Variants in ANK2 observed in about 807,000 individuals in gnomAD.
ANK2 encodes the protein ankyrin 2.
ANK2 carries 83 observed loss-of-function variants against 360.5 expected under a neutral mutation model. The ratio of observed to expected loss-of-function variants is 0.23; its 90% CI spans 0.19 to 0.28. ANK2 has a LOEUF of 0.28. ANK2 is among the 10% of genes least tolerant of loss of function. The pLI is 1.00. For missense variants in ANK2, 4,201 were observed against 4,795.7 expected, an observed-to-expected ratio of 0.88 and a Z score of 3.66; for synonymous variants, 1,740 against 1,759.5, an observed-to-expected ratio of 0.99 and a Z score of 0.28.
intron 1 of ANK2, among the ~76,000 whole-genome samples, chr4:113,141,577 T>C (rs143964169): frequency 1.6e-4 from 25 of 152,296 alleles, no homozygotes; most frequent in African/African-American, 4.8e-4. Context: ...GAGAAATTCA[T>C]AGTGGGATCA....
chr4:113,008,298 T>C (rs762207870), intron 2 of ANK2, among the ~76,000 whole-genome samples: 1 of 152,154 alleles, frequency 6.6e-6, no homozygotes, highest in Non-Finnish European at 1.5e-5. Context: ...AGACTTGCAT[T>C]TGTAGTTAGA....
intron 1 of ANK2, among the ~76,000 whole-genome samples, chr4:113,127,432 G>C (rs530457761): frequency 6.6e-6 from 1 of 150,776 alleles, no homozygotes; most frequent in South Asian, 2.1e-4. Context: ...AGCTAGATTA[G>C]GTATCATAAC....
chr4:113,000,144 G>T (rs2050108993), intron 2 of ANK2, among the ~76,000 whole-genome samples: 1 of 152,234 alleles, frequency 6.6e-6, no homozygotes, highest in African/African-American at 2.4e-5. Context: ...GGTTGGCTCT[G>T]AGGGATGATA....
chr4:113,089,952 ATG>A (rs2086959987), intron 1 of ANK2, among the ~76,000 whole-genome samples: 7 of 152,290 alleles, frequency 4.6e-5, no homozygotes. Context: ...ACGTAATAAT[ATG>A]TGGTATTTTT....
chr4:113,031,767 C>T (rs1253329488), intron 2 of ANK2, among the ~76,000 whole-genome samples: 1 of 152,000 alleles, frequency 6.6e-6, no homozygotes, highest in Non-Finnish European at 1.5e-5. Context: ...CTGAACACCT[C>T]TTCTCCTATT....
chr4:113,138,564 G>T (rs1191777246), intron 1 of ANK2, among the ~76,000 whole-genome samples: 1 of 152,138 alleles, frequency 6.6e-6, no homozygotes, highest in Non-Finnish European at 1.5e-5. Context: ...CCTGGCTGCT[G>T]CCTGGAAGTG....
At chr4:113,086,001 G>A (rs1204172641) in intron 1 of ANK2, among the ~76,000 whole-genome samples, 1 of 152,076 alleles carries the variant, frequency 6.6e-6, no homozygotes, top group African/African-American at 2.4e-5. Context: ...GTCCCCATAG[G>A]CTGTAAGTTA....
chr4:113,086,392 A>G (rs191605495), intron 1 of ANK2, among the ~76,000 whole-genome samples: 6 of 152,328 alleles, frequency 3.9e-5, no homozygotes, highest in Non-Finnish European at 1.5e-5. Flanking sequence ...GTCTTTATTT[A>G]TATTCATAGA....
intron 2 of ANK2, among the ~76,000 whole-genome samples, chr4:113,015,186 A>C (rs192860111): frequency 6.6e-6 from 1 of 152,292 alleles, no homozygotes; most frequent in Admixed American, 6.5e-5. Context: ...TTTACAGAGC[A>C]GGTTTAAAGA....
intron 2 of ANK2, among the ~76,000 whole-genome samples, chr4:112,964,791 G>A (rs535965073): frequency 1.1e-3 from 169 of 151,974 alleles, no homozygotes; most frequent in African/African-American, 3.9e-3. Context: ...GGATGGTCTC[G>A]ATCTCATGAC....
chr4:113,296,727 CAT>C (rs1250850018), intron 22 of ANK2, among the ~76,000 whole-genome samples: 2 of 152,124 alleles, frequency 1.3e-5, no homozygotes, highest in African/African-American at 2.4e-5. Context: ...ACAATCACTA[CAT>C]GTTTGCCAGA....
At chr4:112,998,457 A>G (rs1470351709) in intron 2 of ANK2, among the ~76,000 whole-genome samples, 3 of 152,156 alleles carry the variant, frequency 2.0e-5, no homozygotes, top group African/African-American at 7.2e-5. Flanking sequence ...GGTTTCCAGG[A>G]TGACTTTAAG....
chr4:113,232,837 C>A (rs1395568901), intron 5 of ANK2, among the ~76,000 whole-genome samples: 1 of 152,182 alleles, frequency 6.6e-6, no homozygotes, highest in Non-Finnish European at 1.5e-5. Flanking sequence ...TGGGAGTGGG[C>A]AGGGACCCTG....
chr4:113,223,471 G>T (rs1219654702), intron 4 of ANK2, among the ~76,000 whole-genome samples: 3 of 152,050 alleles, frequency 2.0e-5, no homozygotes, highest in Non-Finnish European at 4.4e-5. Context: ...TAAATATAGA[G>T]TATATAATAC....
At chr4:112,883,751 T>A (rs2077455359) in intron 1 of ANK2, among the ~76,000 whole-genome samples, 1 of 151,842 alleles carries the variant, frequency 6.6e-6, no homozygotes, top group Admixed American at 6.6e-5. Flanking sequence ...AGTCATGCAA[T>A]CAGAGAAAGG....
Position 113,346,018 on chromosome 4 carries a change from C to T in ANK2, c.4367C>T (p.Thr1456Ile), listed in dbSNP as rs786205736. Residue 1456 changes from threonine (T) to isoleucine (I), a missense_variant, in exon 35 of 46, where the codon ACA (threonine) becomes ATA (isoleucine). Physicochemically the swap from Thr to Ile is moderately conservative, Grantham distance 89. Coordinates refer to ENST00000357077, the MANE Select transcript of ANK2 (RefSeq NM_001148.6). The part of the protein sequence containing the change: ...CNLNITLPIY[T>I]KESESDQEQE... Reference sequence around the variant, plus strand: ...TTAAACATCACTTTGCCGATTTATACAAAGGTATCGTAAAATCTGCTATAG... The same window carrying T: ...TTAAACATCACTTTGCCGATTTATATAAAGGTATCGTAAAATCTGCTATAG... The T allele has an allele frequency of 6.2e-7, 1 of 1,613,246 alleles. No homozygotes were observed.
Position 113,264,956 on chromosome 4 carries a change from C to A in ANK2, c.1446C>A (p.Cys482Ter). 6.4e-7 allele frequency: 1 copy of A among 1,568,322 alleles called. No individual in the cohort carries two copies. The highest frequency in any genetic ancestry group is 1.9e-5 in the Admixed American group (1 of 53,146). The change falls in exon 14 of 46, where the codon TGC (cysteine) becomes TGA (stop). Residue 482 changes from cysteine to a stop codon, truncating the protein, a stop_gained. Transcript: ENST00000357077. LOFTEE classifies it high-confidence loss of function. ...CCGGGCAGGTGGAAGTGGTCCGATG[C>A]CTCCTGAGAAATGGTGCCCTTGTTG... ...ARAGQVEVVR[C>*]LLRNGALVDA...
At chr4:112,845,404 T>C (rs2063074813) in intron 1 of ANK2, among the ~76,000 whole-genome samples, 1 of 152,096 alleles carries the variant, frequency 6.6e-6, no homozygotes, top group African/African-American at 2.4e-5. Context: ...GGGACAAAGT[T>C]AGTTAAATAT....
At chr4:112,881,731 C>G in intron 1 of ANK2, 1 of 583,460 alleles carries the variant, frequency 1.7e-6, no homozygotes, top group Non-Finnish European at 3.1e-6. Flanking sequence ...GCCACTGCCT[C>G]AGTCAGTGAT....
Sources: gnomAD v4.1 joint callset for allele counts (sites outside exome capture counted in the v4.1 genomes callset) on GRCh38, gnomAD v4.1.1 for gene constraint, MANE v1.5 for transcripts, NCBI Gene and HGNC (gene_info 2026-07-23, HGNC 2026-07-21) for gene names.